Variants in KALRN observed in about 807,000 individuals in gnomAD.
KALRN encodes the protein kalirin RhoGEF kinase.
KALRN carries 70 observed loss-of-function variants against 353.7 expected under a neutral mutation model. The ratio of observed to expected loss-of-function variants is 0.20; its 90% CI spans 0.16 to 0.24. The LOEUF (loss-of-function observed/expected upper bound fraction) is 0.24. Ranked by LOEUF, KALRN falls within the 10% of genes least tolerant of loss-of-function variation. The probability of loss-of-function intolerance (pLI) is 1.00; values close to 1 mark genes in which losing one functional copy is unlikely to be tolerated. For missense variants in KALRN, 2,791 were observed against 3,756.7 expected, an observed-to-expected ratio of 0.74 and a Z score of 6.72; for synonymous variants, 1,391 against 1,434.8, an observed-to-expected ratio of 0.97 and a Z score of 0.69.
chr3:124,597,411 C>G (rs114919343), intron 34 of KALRN, among the ~76,000 whole-genome samples: 2,372 of 152,280 alleles, frequency 0.016, 67 homozygotes, highest in African/African-American at 0.053. Flanking sequence ...TGCCAGATTG[C>G]TGGCTAAAAT....
chr3:124,698,409 A>G (rs2062162716), intron 55 of KALRN, among the ~76,000 whole-genome samples: 1 of 152,220 alleles, frequency 6.6e-6, no homozygotes, highest in African/African-American at 2.4e-5. Flanking sequence ...TCAGTGCCAG[A>G]TTACAGCTGC....
intron 6 of KALRN, among the ~76,000 whole-genome samples, chr3:124,320,793 C>T (rs552960787): frequency 9.8e-5 from 15 of 152,302 alleles, no homozygotes; most frequent in Admixed American, 9.8e-4. Context: ...CAAGGAAAAA[C>T]TTATAGACAA....
At chr3:124,247,635 A>G (rs1220595669) in intron 3 of KALRN, among the ~76,000 whole-genome samples, 1 of 152,198 alleles carries the variant, frequency 6.6e-6, no homozygotes, top group Middle Eastern at 3.2e-3. Context: ...AAGCGAACTT[A>G]TCTCTTGGAG....
chr3:124,224,321 G>T (rs923056404), intron 1 of KALRN, among the ~76,000 whole-genome samples: 8 of 150,208 alleles, frequency 5.3e-5, no homozygotes, highest in African/African-American at 1.7e-4. Flanking sequence ...GAAAGAAAAA[G>T]AATTGTCTTG....
chr3:124,696,126 G>A lies in KALRN; in HGVS notation c.7578-8G>A, dbSNP rs369012416. The A allele has an allele frequency of 1.9e-6, 3 of 1,613,428 alleles. No individual in the cohort carries two copies. The highest frequency in any genetic ancestry group is 2.5e-6 in the Non-Finnish European group (3 of 1,179,664). On this transcript the variant is annotated splice_region_variant and splice_polypyrimidine_tract_variant and intron_variant, in intron 53 of 59. Coordinates refer to ENST00000682506, the MANE Select transcript of KALRN (RefSeq NM_001388419.1). ...GGAGTCTGAAGAGCATCCTTTTGGT[G>A]TCCCTAGTGATTCTGGAGAAATCAC...
At chr3:124,308,016 A>T (rs1183775854) in intron 6 of KALRN, among the ~76,000 whole-genome samples, 4 of 152,046 alleles carry the variant, frequency 2.6e-5, no homozygotes, top group African/African-American at 9.6e-5. Context: ...AAGTGACTAT[A>T]TTAATAACAG....
At chr3:124,346,873 A>T (rs1462653746) in intron 9 of KALRN, among the ~76,000 whole-genome samples, 1 of 152,218 alleles carries the variant, frequency 6.6e-6, no homozygotes. Context: ...TGTTTAAAAT[A>T]ATGAACTAAG....
In KALRN at chr3:124,726,131, C is replaced by T. The variant is rs986032671; in HGVS notation, c.*6661C>T. The T allele has an allele frequency of 6.6e-6, 1 of 152,068 alleles. No homozygotes were observed. Among genetic ancestry groups the T allele is most frequent in the South Asian group, 2.1e-4 (1 of 4,826 alleles). 9.4% of individuals were successfully genotyped at this position (152,068 alleles called of 1,614,324 possible). ...TTTCTGCTGTTGTTCATTTTGTATG[C>T]ACACAATGTCGTTTTGTAAAGGTAG... On this transcript the variant is annotated 3_prime_UTR_variant, in exon 60 of 60. Transcript: ENST00000682506.
At chr3:124,414,758 A>T (rs1055739875) in intron 14 of KALRN, among the ~76,000 whole-genome samples, 1 of 152,134 alleles carries the variant, frequency 6.6e-6, no homozygotes, top group African/African-American at 2.4e-5. Flanking sequence ...GACCCACTCC[A>T]CTGCCCTCCT....
intron 19 of KALRN, among the ~76,000 whole-genome samples, chr3:124,445,754 A>C (rs569769422): frequency 6.6e-6 from 1 of 152,314 alleles, no homozygotes; most frequent in East Asian, 1.9e-4. Flanking sequence ...CTCTCTTCTA[A>C]TGAGTCCTTA....
chr3:124,216,390 A>T (rs1177975194), intron 1 of KALRN, among the ~76,000 whole-genome samples: 1 of 152,204 alleles, frequency 6.6e-6, no homozygotes, highest in South Asian at 2.1e-4. Flanking sequence ...TTGGTTCTCA[A>T]CGATTTAGGG....
At chr3:124,055,616 A>G (rs896018188) in intron 1 of KALRN, among the ~76,000 whole-genome samples, 8 of 152,152 alleles carry the variant, frequency 5.3e-5, no homozygotes, top group Admixed American at 2.6e-4. Flanking sequence ...GGGTTTTCCT[A>G]TGAGAAGGAC....
chr3:124,065,765 C>T (rs905505797), intron 1 of KALRN, among the ~76,000 whole-genome samples: 27 of 152,132 alleles, frequency 1.8e-4, no homozygotes, highest in Admixed American at 6.5e-5. Context: ...GTTCCTACTG[C>T]ACAGGGTTGT....
intron 34 of KALRN, among the ~76,000 whole-genome samples, chr3:124,624,091 A>C (rs541956137): frequency 6.6e-6 from 1 of 152,354 alleles, no homozygotes; most frequent in Non-Finnish European, 1.5e-5. Flanking sequence ...CACTGTTCTG[A>C]GTAGTGTGAT....
chr3:124,614,499 A>T (rs2078345877), intron 34 of KALRN, among the ~76,000 whole-genome samples: 1 of 151,384 alleles, frequency 6.6e-6, no homozygotes, highest in Non-Finnish European at 1.5e-5. Flanking sequence ...GACTTAAGGG[A>T]TCTGCCCACC....
Position 124,719,598 on chromosome 3 carries a change from T to C in KALRN, c.*128T>C, listed in dbSNP as rs1041185088. On this transcript the variant is annotated 3_prime_UTR_variant, in exon 60 of 60. Transcript: ENST00000682506. This position sits in a 1 kb window ranked among gnomAD's most constrained non-coding sequence, Gnocchi z 5.3. ...TTCTCTGAATTGAGAGATGTACCTC[T>C]TAAACCTCGTCAGTGGTTATTCAGG... The C allele has an allele frequency of 1.4e-5, 12 of 884,232 alleles. No homozygotes were observed. The highest frequency in any genetic ancestry group is 2.0e-5 in the Non-Finnish European group (12 of 588,860). 54.8% of individuals were successfully genotyped at this position (884,232 alleles called of 1,614,324 possible).
chr3:124,579,231 T>C (rs1487740090), intron 34 of KALRN, among the ~76,000 whole-genome samples: 3 of 152,166 alleles, frequency 2.0e-5, no homozygotes, highest in Non-Finnish European at 4.4e-5. Flanking sequence ...AGGCCTGACA[T>C]TGTGGTACAC....
intron 34 of KALRN, among the ~76,000 whole-genome samples, chr3:124,605,149 T>C (rs1347405549): frequency 2.6e-5 from 4 of 151,986 alleles, no homozygotes; most frequent in African/African-American, 9.7e-5. Context: ...TCTCACTCTG[T>C]TGCCCAGGCT....
intron 32 of KALRN, among the ~76,000 whole-genome samples, chr3:124,496,097 A>T (rs556173933): frequency 6.7e-6 from 1 of 148,172 alleles, no homozygotes; most frequent in African/African-American, 2.5e-5. Context: ...GCATTTAGTT[A>T]TCAACATAGT....
Sources: gnomAD v4.1 joint callset for allele counts (sites outside exome capture counted in the v4.1 genomes callset) on GRCh38, gnomAD v4.1.1 for gene constraint, Gnocchi (gnomAD v3.1) non-coding constraint, MANE v1.5 for transcripts, NCBI Gene and HGNC (gene_info 2026-07-23, HGNC 2026-07-21) for gene names.